INPP4B: variants seen among roughly 807,000 people sequenced by gnomAD.
INPP4B encodes the protein inositol polyphosphate-4-phosphatase type II B.
Under a neutral mutation model 122.5 loss-of-function variants are expected in INPP4B, and 55 were observed. The ratio of observed to expected loss-of-function variants is 0.45; its 90% CI spans 0.36 to 0.56. The LOEUF is 0.56. INPP4B is among the 20% of genes least tolerant of loss of function. INPP4B has a pLI of 0.00. For synonymous variants in INPP4B, 403 were observed against 388.7 expected (o/e 1.04, Z -0.43); for missense variants, 1,000 against 1,097.7 (o/e 0.91, Z 1.26).
intron 11 of INPP4B, among the ~76,000 whole-genome samples, chr4:142,241,253 A>G (rs1047966496): frequency 3.9e-5 from 6 of 151,958 alleles, no homozygotes; most frequent in Admixed American, 3.9e-4. Flanking sequence ...TGCTTTTGCC[A>G]TACAATTGCT....
At chr4:142,246,145 T>TAC (rs1728710280) in intron 11 of INPP4B, among the ~76,000 whole-genome samples, 1 of 150,664 alleles carries the variant, frequency 6.6e-6, no homozygotes, top group African/African-American at 2.5e-5. Flanking sequence ...CATATATATA[T>TAC]ACATATATGT....
intron 2 of INPP4B, among the ~76,000 whole-genome samples, chr4:142,694,881 A>C (rs1021449957): frequency 6.6e-6 from 1 of 152,184 alleles, no homozygotes; most frequent in Non-Finnish European, 1.5e-5. Context: ...AAAGTCCCTC[A>C]GAAAAAATAT....
intron 7 of INPP4B, among the ~76,000 whole-genome samples, chr4:142,385,405 G>C (rs1206697883): frequency 1.3e-5 from 2 of 151,846 alleles, no homozygotes; most frequent in African/African-American, 2.4e-5. Context: ...ATGTTCAGTG[G>C]AGGTAGAGCT....
At chr4:142,663,434 A>G (rs1379753611) in intron 2 of INPP4B, among the ~76,000 whole-genome samples, 3 of 152,106 alleles carry the variant, frequency 2.0e-5, no homozygotes, top group Non-Finnish European at 4.4e-5. Flanking sequence ...ACATTTTAAT[A>G]TAGATATATT....
At chr4:142,495,053 G>A (rs985961314) in intron 2 of INPP4B, among the ~76,000 whole-genome samples, 3 of 152,020 alleles carry the variant, frequency 2.0e-5, no homozygotes, top group African/African-American at 7.2e-5. Context: ...TTTAAGGATC[G>A]AAGAAATCTT....
At chr4:142,339,876 G>A (rs1002654488) in intron 7 of INPP4B, among the ~76,000 whole-genome samples, 2 of 151,876 alleles carry the variant, frequency 1.3e-5, no homozygotes, top group African/African-American at 4.8e-5. Context: ...AAAATAATAA[G>A]TATCTCCTCT....
chr4:142,294,844 A>AAAAAAAAAAAAAAAAAAAAAAC (rs1757949824), intron 9 of INPP4B, among the ~76,000 whole-genome samples: 1 of 146,232 alleles, frequency 6.8e-6, no homozygotes, highest in Non-Finnish European at 1.5e-5. Flanking sequence ...AAAAAAAAAA[A>AAAAAAAAAAAAAAAAAAAAAAC]AAAAAAAAAA....
intron 7 of INPP4B, among the ~76,000 whole-genome samples, chr4:142,315,543 A>G (rs189917280): frequency 6.6e-6 from 1 of 151,930 alleles, no homozygotes; most frequent in Admixed American, 6.6e-5. Flanking sequence ...GGACCCTTTC[A>G]AACTCTTGGT....
chr4:142,249,405 T>C (rs1242347223), intron 11 of INPP4B, among the ~76,000 whole-genome samples: 4 of 150,408 alleles, frequency 2.7e-5, no homozygotes, highest in African/African-American at 9.8e-5. Flanking sequence ...TACACAGAAT[T>C]GTCTTTAAAA....
chr4:142,518,612 G>A (rs1825704422), intron 2 of INPP4B: 1 of 152,034 alleles, frequency 6.6e-6, no homozygotes, highest in South Asian at 2.1e-4. Flanking sequence ...TACCCAATAT[G>A]ATATGCAGAA....
At chr4:142,387,994 T>C (rs1466360669) in intron 7 of INPP4B, among the ~76,000 whole-genome samples, 1 of 152,210 alleles carries the variant, frequency 6.6e-6, no homozygotes, top group Non-Finnish European at 1.5e-5. Context: ...GAAAACTATC[T>C]GGTTAATGTC....
At chr4:142,364,030 GA>G (rs1424563417) in intron 7 of INPP4B, among the ~76,000 whole-genome samples, 1 of 151,798 alleles carries the variant, frequency 6.6e-6, no homozygotes, top group Non-Finnish European at 1.5e-5. Flanking sequence ...GTGAGGGTGG[GA>G]AGATTCTAGA....
intron 4 of INPP4B, among the ~76,000 whole-genome samples, chr4:142,430,807 A>G (rs1026339416): frequency 7.9e-5 from 12 of 152,130 alleles, no homozygotes; most frequent in African/African-American, 2.7e-4. Flanking sequence ...AGTATAAAAA[A>G]ATTCCCATAT....
intron 7 of INPP4B, among the ~76,000 whole-genome samples, chr4:142,329,945 AT>A (rs1773831572): frequency 6.6e-6 from 1 of 152,310 alleles, no homozygotes; most frequent in East Asian, 1.9e-4. Flanking sequence ...CAGAAAAAGC[AT>A]TCAGAAAAAG....
chr4:142,243,482 A>C (rs1860552269), intron 11 of INPP4B, among the ~76,000 whole-genome samples: 1 of 152,228 alleles, frequency 6.6e-6, no homozygotes, highest in African/African-American at 2.4e-5. Context: ...AGGACAAATA[A>C]ATCTAGGGAG....
At chr4:142,043,090 C>A (rs1445005372) in intron 25 of INPP4B, among the ~76,000 whole-genome samples, 1 of 152,168 alleles carries the variant, frequency 6.6e-6, no homozygotes, top group East Asian at 1.9e-4. Context: ...TTAGAGGATT[C>A]ATCATCTCCC....
At chr4:142,337,605 C>T (rs1305722680) in intron 7 of INPP4B, among the ~76,000 whole-genome samples, 1 of 147,728 alleles carries the variant, frequency 6.8e-6, no homozygotes, top group Non-Finnish European at 1.5e-5. Flanking sequence ...AGTGCTGGTT[C>T]AAATGTTCTG....
intron 7 of INPP4B, among the ~76,000 whole-genome samples, chr4:142,339,626 C>A (rs988461612): frequency 6.6e-6 from 1 of 152,134 alleles, no homozygotes; most frequent in African/African-American, 2.4e-5. Flanking sequence ...ATGTTTAGCA[C>A]CCTCTTGTTC....
At chr4:142,720,066 C>A (rs1764310097) in intron 2 of INPP4B, among the ~76,000 whole-genome samples, 1 of 152,140 alleles carries the variant, frequency 6.6e-6, no homozygotes, top group South Asian at 2.1e-4. Context: ...AGGTACAATT[C>A]CTGACAAATT....
Sources: gnomAD v4.1 joint callset for allele counts (sites outside exome capture counted in the v4.1 genomes callset) on GRCh38, gnomAD v4.1.1 for gene constraint, MANE v1.5 for transcripts, NCBI Gene and HGNC (gene_info 2026-07-23, HGNC 2026-07-21) for gene names.